Variants in RPL36A observed in about 807,000 individuals in gnomAD.
RPL36A encodes ribosomal protein L36a.
For missense variants in RPL36A, 20 were observed against 81.0 expected (o/e 0.25, Z 2.89); for synonymous variants, 25 against 28.5 (o/e 0.88, Z 0.39).
chrX:101,391,274 C>T (rs1555983357), intron 1 of RPL36A, 185 bp from the exon 2 acceptor site: 3 of 609,742 alleles, frequency 4.9e-6, no homozygotes, highest in Non-Finnish European at 7.8e-6. Context: ...AGGTCTCTTC[C>T]CTCTTTGGGG....
At chrX:101,394,149 A>G (rs1485366990) in intron 3 of RPL36A, among the ~76,000 whole-genome samples, 2 of 110,575 alleles carry the variant, frequency 1.8e-5, no homozygotes, top group African/African-American at 3.3e-5. Context: ...GTCCAACATG[A>G]TGAAACCCCC....
rs782093562 is a variant in RPL36A at position 101,395,331 on chromosome X, TC to T, written c.178-3del. 3 of 1,182,015 alleles carry T rather than the reference TC, an allele frequency of 2.5e-6. No individual in the cohort carries two copies. The South Asian group carries it at 5.8e-5, about 23-fold the overall frequency. ...ATTAAGGCTTTAATTTAATTTTTTTTCAGGCTAAAACTACAAAGAAGATTGT... is the reference window on the plus strand; with the variant it reads ...ATTAAGGCTTTAATTTAATTTTTTTTAGGCTAAAACTACAAAGAAGATTGT... On this transcript the variant is annotated splice_polypyrimidine_tract_variant and splice_region_variant and intron_variant, in intron 3 of 4. Transcript: ENST00000553110.
chrX:101,392,312 G>C, intron 3 of RPL36A: 16 of 866,514 alleles, frequency 1.8e-5, no homozygotes, highest in Non-Finnish European at 2.3e-5. Context: ...GGCTGAGCGA[G>C]TTTCTGTTTA....
Position 101,396,094 on chromosome X carries a change from G to T in RPL36A, c.*346G>T. The T allele has an allele frequency of 4.8e-6, 1 of 206,632 alleles. No individual in the cohort carries two copies. Among genetic ancestry groups the T allele is most frequent in the Non-Finnish European group, 8.8e-6 (1 of 114,272 alleles). The allele number at this position is 206,632 out of a possible 1,213,427, so 17.0% of individuals were successfully genotyped here. On this transcript the variant is annotated 3_prime_UTR_variant, in exon 5 of 5. Coordinates refer to ENST00000553110, the MANE Select transcript of RPL36A (RefSeq NM_021029.6). Reference sequence around the variant, plus strand: ...TGAATATGAGATGTCTTTGCTAAGAGTTAAGTGTCAGATCTTTGTTATAAC... The same window carrying T: ...TGAATATGAGATGTCTTTGCTAAGATTTAAGTGTCAGATCTTTGTTATAAC...
At chrX:101,391,143 G>C (rs1461731082) in intron 1 of RPL36A, 97 bp downstream of exon 1, 7 of 968,039 alleles carry the variant, frequency 7.2e-6, no homozygotes, top group Non-Finnish European at 8.8e-6. Context: ...CTCCTGTGTG[G>C]ACTCGATATA....
intron 3 of RPL36A, chrX:101,393,312 T>TG (rs1927894844): frequency 9.0e-6 from 1 of 110,601 alleles, no homozygotes; most frequent in Non-Finnish European, 1.9e-5. Flanking sequence ...CAAGTGGACT[T>TG]GTCATATAGA....
chrX:101,395,151 G>T, intron 3 of RPL36A, 184 bp from the exon 4 acceptor site: 1 of 318,369 alleles, frequency 3.1e-6, no homozygotes, highest in Middle Eastern at 9.3e-4. Context: ...CTGATTTTTA[G>T]ATTATTTTCT....
rs1447577595 is a variant in RPL36A, at chrX:101,395,990, CATT to C, written c.*245_*247del. On this transcript the variant is annotated 3_prime_UTR_variant, in exon 5 of 5. Transcript: ENST00000553110. ...CTAGGGGCCTTATGAGGCAGTTTGT[CATT>C]ATGCAATGGTTATTGGTTATCATGT... 2 of 388,003 alleles carry C rather than the reference CATT, an allele frequency of 5.2e-6. No homozygotes were observed. Among genetic ancestry groups the C allele is most frequent in the South Asian group, 4.8e-5 (1 of 20,625 alleles). 32.0% of individuals were successfully genotyped at this position (388,003 alleles called of 1,213,427 possible). A position where few individuals can be genotyped will look rare whatever the true frequency, so the allele number is the denominator to read the frequency against.
In RPL36A at chrX:101,392,632, C is replaced by G. The variant is rs1233557568; in HGVS notation, c.177+810C>G. The G allele has an allele frequency of 4.0e-6, 3 of 752,059 alleles. No homozygotes were observed. In the African/African-American group the frequency reaches 7.0e-5, roughly 17 times the overall value. 62.0% of individuals were successfully genotyped at this position (752,059 alleles called of 1,213,427 possible). ...AGCAGCAGAACTCTGGCTAAAGGGG[C>G]AAGCTTATTAGGAAATTGAGTATTT... On this transcript the variant is annotated intron_variant, in intron 3 of 4. Transcript: ENST00000553110.
rs1478592383 is a variant in RPL36A, at chrX:101,391,030, G to T, written c.-14G>T. On this transcript the variant is annotated 5_prime_UTR_variant, in exon 1 of 5. Transcript: ENST00000553110. Reference sequence around the variant, plus strand: ...CGGTTTCTTTCTTTCCGCGCCGATAGCGCTCACGCAAGCATGGTAGGACTT... The same window carrying T: ...CGGTTTCTTTCTTTCCGCGCCGATATCGCTCACGCAAGCATGGTAGGACTT... The T allele has an allele frequency of 5.8e-6, 7 of 1,210,890 alleles. No homozygotes were observed. The Admixed American group carries it at 8.7e-5, about 15-fold the overall frequency.
In RPL36A at chrX:101,395,863, G is replaced by A. The variant is rs1006320701; in HGVS notation, c.*115G>A. On this transcript the variant is annotated 3_prime_UTR_variant, in exon 5 of 5. Coordinates refer to ENST00000553110, the MANE Select transcript of RPL36A (RefSeq NM_021029.6). ...GAGCCATCAATACAATTCCGCTTGT[G>A]GGGAAATTTATGCCTCTTACTGGTA... 2 of 731,767 alleles carry A rather than the reference G, an allele frequency of 2.7e-6. No individual in the cohort carries two copies. Among genetic ancestry groups the A allele is most frequent in the Admixed American group, 3.2e-5 (1 of 31,433 alleles). 60.3% of individuals were successfully genotyped at this position (731,767 alleles called of 1,213,427 possible).
At chrX:101,393,369 G>T (rs1031325356) in intron 3 of RPL36A, 1 of 111,354 alleles carries the variant, frequency 9.0e-6, no homozygotes, top group Admixed American at 9.6e-5. Context: ...GGTGGCGGGA[G>T]GTGGGGATGG....
At chrX:101,391,949 A>C in intron 3 of RPL36A, 127 bp downstream of exon 3, 1 of 1,188,047 alleles carries the variant, frequency 8.4e-7, no homozygotes, top group Non-Finnish European at 1.1e-6. Flanking sequence ...GCACTGATAT[A>C]TCTAGTAGGT....
In RPL36A at chrX:101,392,561, CAG is replaced by C. The variant is rs1330059804; in HGVS notation, c.177+742_177+743del. On this transcript the variant is annotated intron_variant, in intron 3 of 4. Transcript: ENST00000553110. ...ACATTCGGATAACTTGTTTAGAAGA[CAG>C]AGGTTCTAACTAGGTTTTGGCCTAT... 2.1e-5 allele frequency: 16 copies of C among 752,719 alleles called. No homozygotes were observed. In the East Asian group the frequency reaches 4.5e-4, roughly 21 times the overall value. 62.0% of individuals were successfully genotyped at this position (752,719 alleles called of 1,213,427 possible). A position where few individuals can be genotyped will look rare whatever the true frequency, so the allele number is the denominator to read the frequency against.
chrX:101,391,982 A>G (rs1386196109), intron 3 of RPL36A, 160 bp downstream of exon 3: 1 of 1,171,646 alleles, frequency 8.5e-7, no homozygotes. Flanking sequence ...AATGCAACTC[A>G]TGTCTGACTA....
In RPL36A at chrX:101,395,855, C is replaced by T. The variant is rs1242150511; in HGVS notation, c.*107C>T. On this transcript the variant is annotated 3_prime_UTR_variant, in exon 5 of 5. Coordinates refer to ENST00000553110, the MANE Select transcript of RPL36A (RefSeq NM_021029.6). ...ATAAGCTAGAGCCATCAATACAATT[C>T]CGCTTGTGGGGAAATTTATGCCTCT... The T allele has an allele frequency of 1.3e-6, 1 of 773,954 alleles. No homozygotes were observed. Among genetic ancestry groups the T allele is most frequent in the East Asian group, 3.2e-5 (1 of 30,773 alleles). The allele number at this position is 773,954 out of a possible 1,213,427, so 63.8% of individuals were successfully genotyped here. A position where few individuals can be genotyped will look rare whatever the true frequency, so the allele number is the denominator to read the frequency against.
intron 3 of RPL36A, chrX:101,392,722 T>C (rs1927857976): frequency 1.9e-6 from 1 of 529,830 alleles, no homozygotes; most frequent in African/African-American, 2.6e-5. Context: ...AGAAAATCGG[T>C]ATATCAAAGA....
At chrX:101,392,431 A>G in intron 3 of RPL36A, 5 of 786,915 alleles carry the variant, frequency 6.4e-6, no homozygotes, top group Non-Finnish European at 7.6e-6. Context: ...CTTCTTGTGC[A>G]GTTTAGCTCC....
intron 3 of RPL36A, 23 bp from the exon 4 acceptor site, chrX:101,395,312 G>A: frequency 8.5e-7 from 1 of 1,169,650 alleles, no homozygotes; most frequent in Non-Finnish European, 1.1e-6. Flanking sequence ...ATTTATTAAG[G>A]CTTTAATTTA....
Sources: gnomAD v4.1 joint callset for allele counts (sites outside exome capture counted in the v4.1 genomes callset) on GRCh38, gnomAD v4.1.1 for gene constraint, MANE v1.5 for transcripts, NCBI Gene and HGNC (gene_info 2026-07-23, HGNC 2026-07-21) for gene names.